Variants in FHAD1 observed in about 807,000 individuals in gnomAD.
FHAD1 encodes the protein forkhead-associated domain-containing protein 1.
FHAD1 carries 146 observed loss-of-function variants against 191.3 expected under a neutral mutation model. That is an observed-to-expected ratio of 0.76 (90% CI 0.67 to 0.88). The LOEUF (loss-of-function observed/expected upper bound fraction) is 0.88. FHAD1 is among the 40% of genes least tolerant of loss of function. FHAD1 has a pLI of 0.00. For synonymous variants in FHAD1, 616 were observed against 672.3 expected (o/e 0.92, Z 1.29); for missense variants, 1,635 against 1,785.8 (o/e 0.92, Z 1.52).
At chr1:15,323,286 G>C (rs1294328521) in intron 10 of FHAD1, among the ~76,000 whole-genome samples, 1 of 152,308 alleles carries the variant, frequency 6.6e-6, no homozygotes, top group Admixed American at 6.5e-5. Context: ...CAGAGCTGGG[G>C]CTGGGGGCGG....
intron 1 of FHAD1, among the ~76,000 whole-genome samples, chr1:15,249,798 C>T (rs1298989415): frequency 1.3e-5 from 2 of 152,064 alleles, no homozygotes; most frequent in Admixed American, 1.3e-4. Flanking sequence ...CTCTCTGCTC[C>T]CCCATCCCAT....
intron 26 of FHAD1, among the ~76,000 whole-genome samples, chr1:15,369,842 GA>G (rs1697585960): frequency 6.6e-6 from 1 of 152,190 alleles, no homozygotes; most frequent in Non-Finnish European, 1.5e-5. Flanking sequence ...TGACCTTGGG[GA>G]GGTCACTGTA....
intron 2 of FHAD1, 51 bp downstream of exon 2, chr1:15,251,928 C>A (rs1178527845): frequency 1.3e-5 from 18 of 1,437,740 alleles, no homozygotes; most frequent in Non-Finnish European, 1.6e-5. Context: ...CCTTCCTTCT[C>A]CCTCTCTAAC....
At chr1:15,272,568 C>T (rs1656543903) in intron 3 of FHAD1, 39 bp downstream of exon 3, 1 of 1,519,836 alleles carries the variant, frequency 6.6e-7, no homozygotes, top group Non-Finnish European at 8.9e-7. Flanking sequence ...GGCCATGTCG[C>T]CTTCGTGCAG....
In FHAD1 at chr1:15,276,200, C is replaced by T. The variant is rs1046332264; in HGVS notation, c.300+3671C>T. On this transcript the variant is annotated intron_variant, in intron 3 of 33. Coordinates refer to ENST00000688493, the MANE Select transcript of FHAD1 (RefSeq NM_001391957.1). This position sits in a 1 kb window ranked among gnomAD's most constrained non-coding sequence, Gnocchi z 4.7. Reference sequence around the variant, plus strand: ...TAAAATTGGAATCCTAATAGTTCCTCATGTGGGGTTACTGTAGTAGTAAAC... The same window carrying T: ...TAAAATTGGAATCCTAATAGTTCCTTATGTGGGGTTACTGTAGTAGTAAAC... Among the ~76,000 whole-genome samples the T allele has an allele frequency of 4.6e-5, 7 of 152,220 alleles. No homozygotes were observed. Among genetic ancestry groups the T allele is most frequent in the African/African-American group, 1.4e-4 (6 of 41,452 alleles).
At position 15,272,493 on chromosome 1, in the gene FHAD1, G is replaced by T; in HGVS notation, c.264G>T (p.Gly88=). Residue 88 remains glycine (G), a synonymous_variant, in exon 3 of 34, where the codon GGG becomes GGT. Coordinates refer to ENST00000688493, the MANE Select transcript of FHAD1 (RefSeq NM_001391957.1). ...PGDILRFGSA[G]LTYELVIENP... is the part of the protein sequence containing the mutation. ...ACATCCTGAGATTTGGGTCTGCAGG[G>T]CTGACCTATGAACTGGTCATTGAAA... The T allele has an allele frequency of 6.4e-7, 1 of 1,550,434 alleles. No homozygotes were observed. Among genetic ancestry groups the T allele is most frequent in the African/African-American group, 1.4e-5 (1 of 73,110 alleles).
chr1:15,328,239 A>G, intron 12 of FHAD1, 38 bp from the exon 13 acceptor site: 1 of 1,301,514 alleles, frequency 7.7e-7, no homozygotes, highest in Non-Finnish European at 1.0e-6. Context: ...TGTATGTTAC[A>G]TCTTTTTTTT....
upstream of FHAD1, among the ~76,000 whole-genome samples, chr1:15,243,989 A>G (rs1003257068): frequency 1.8e-4 from 27 of 152,140 alleles, no homozygotes; most frequent in African/African-American, 6.0e-4. Context: ...GTCGTCACCA[A>G]GAGTTCAATA....
At chr1:15,388,182 T>G in intron 32 of FHAD1, 51 bp downstream of exon 32, 4 of 1,162,072 alleles carry the variant, frequency 3.4e-6, no homozygotes, top group East Asian at 5.7e-5. Context: ...CAGTCTCAAC[T>G]GGGGGTAAGA....
At chr1:15,340,264 A>T (rs2102195776) in intron 15 of FHAD1, among the ~76,000 whole-genome samples, 1 of 152,388 alleles carries the variant, frequency 6.6e-6, no homozygotes, top group East Asian at 1.9e-4. Context: ...TATCATTCTG[A>T]TAGCTATTGC....
chr1:15,345,945 T>C (rs7533567), intron 18 of FHAD1, among the ~76,000 whole-genome samples: 29,655 of 152,140 alleles, frequency 0.19, 3,177 homozygotes, highest in East Asian at 0.45. Context: ...GGACAGTCCG[T>C]CCCAGCATGG....
intron 31 of FHAD1, chr1:15,383,409 C>T (rs1413484587): frequency 2.6e-6 from 1 of 379,806 alleles, no homozygotes; most frequent in African/African-American, 2.1e-5. Flanking sequence ...CTGGGTGAGT[C>T]CTGCCTCAGA....
At chr1:15,314,759 G>T (rs1459326139) in intron 8 of FHAD1, among the ~76,000 whole-genome samples, 1 of 124,082 alleles carries the variant, frequency 8.1e-6, no homozygotes, top group African/African-American at 2.9e-5. Flanking sequence ...TGGTGTGTGG[G>T]GGTGTATGGG....
intron 14 of FHAD1, among the ~76,000 whole-genome samples, chr1:15,331,008 G>A (rs1029833082): frequency 6.6e-6 from 1 of 152,132 alleles, no homozygotes; most frequent in Non-Finnish European, 1.5e-5. Context: ...ATTCAGGGGC[G>A]AGTAAGAGGT....
At chr1:15,271,584 C>T (rs1004221521) in intron 2 of FHAD1, among the ~76,000 whole-genome samples, 1 of 152,192 alleles carries the variant, frequency 6.6e-6, no homozygotes, top group Non-Finnish European at 1.5e-5. Flanking sequence ...TAGGCAAATC[C>T]TGAATAGCTT....
chr1:15,374,733 C>T, intron 27 of FHAD1, 102 bp downstream of exon 27: 1 of 1,441,322 alleles, frequency 6.9e-7, no homozygotes, highest in Non-Finnish European at 9.4e-7. Flanking sequence ...CTGCATCATC[C>T]CAGAACTTGG....
intron 7 of FHAD1, among the ~76,000 whole-genome samples, chr1:15,310,050 G>A (rs2101085416): frequency 6.6e-6 from 1 of 152,314 alleles, no homozygotes; most frequent in Non-Finnish European, 1.5e-5. Context: ...GGACACGTTA[G>A]GGTTTTTAAG....
At chr1:15,299,017 CAAAA>C (rs200293214) in intron 5 of FHAD1, among the ~76,000 whole-genome samples, 2 of 131,870 alleles carry the variant, frequency 1.5e-5, no homozygotes, top group Admixed American at 7.2e-5. Flanking sequence ...AAAAAAAAAA[CAAAA>C]ACAAAAAACA....
At chr1:15,387,175 C>A (rs1054179639) in intron 31 of FHAD1, among the ~76,000 whole-genome samples, 1 of 152,194 alleles carries the variant, frequency 6.6e-6, no homozygotes, top group African/African-American at 2.4e-5. Flanking sequence ...AGGCATGAGC[C>A]ACCACACTCA....
Sources: gnomAD v4.1 joint callset for allele counts (sites outside exome capture counted in the v4.1 genomes callset) on GRCh38, gnomAD v4.1.1 for gene constraint, Gnocchi (gnomAD v3.1) non-coding constraint, MANE v1.5 for transcripts, NCBI Gene and HGNC (gene_info 2026-07-23, HGNC 2026-07-21) for gene names.